Variants in AGBL4 observed in about 807,000 individuals in gnomAD.
AGBL4 encodes the protein AGBL carboxypeptidase 4, also known as cytosolic carboxypeptidase 6.
AGBL4 carries 58 observed loss-of-function variants against 66.4 expected under a neutral mutation model. The observed-to-expected ratio is 0.87, with a 90% CI of 0.71 to 1.09. AGBL4 has a LOEUF of 1.09. Ranked by LOEUF, AGBL4 falls within the 50% of genes least tolerant of loss-of-function variation. The pLI is 0.00. For synonymous variants in AGBL4, 234 were observed against 222.9 expected (o/e 1.05, Z -0.44); for missense variants, 579 against 631.0 (o/e 0.92, Z 0.88).
At chr1:49,786,274 C>G (rs1644453180) in intron 2 of AGBL4, among the ~76,000 whole-genome samples, 1 of 152,090 alleles carries the variant, frequency 6.6e-6, no homozygotes, top group Non-Finnish European at 1.5e-5. Context: ...CATTTTTCTA[C>G]TTAACATTTT....
chr1:49,306,058 C>G (rs906976089), intron 3 of AGBL4, among the ~76,000 whole-genome samples: 5 of 152,084 alleles, frequency 3.3e-5, no homozygotes, highest in Middle Eastern at 3.2e-3. Context: ...CTCCCTTATT[C>G]AAGTCATTAA....
rs115924016 is a variant in AGBL4 at position 49,458,126 on chromosome 1, G to A, written c.283-212262C>T. Among the ~76,000 whole-genome samples, 926 of 151,732 alleles carry A rather than the reference G, an allele frequency of 6.1e-3. 10 individuals are homozygous for A. The highest frequency in any genetic ancestry group is 0.021 in the African/African-American group (862 of 41,462). ...ATTTTGATGGAAATTGCATTGAATT[G>A]TAGATTGCTTTTGGCAGTATGGTCT... On this transcript the variant is annotated intron_variant, in intron 3 of 13. Transcript: ENST00000371839.
At chr1:48,974,682 A>G (rs563011330) in intron 5 of AGBL4, among the ~76,000 whole-genome samples, 1 of 152,260 alleles carries the variant, frequency 6.6e-6, no homozygotes, top group East Asian at 1.9e-4. Flanking sequence ...TAATTGGATG[A>G]ATCTTGGAGA....
intron 2 of AGBL4, among the ~76,000 whole-genome samples, chr1:49,843,200 C>T (rs183875914): frequency 6.6e-4 from 101 of 152,244 alleles, no homozygotes; most frequent in African/African-American, 2.4e-3. Flanking sequence ...GAGCATGGTT[C>T]ACAGCAACCT....
rs1644772568 is a variant in AGBL4, at chr1:49,302,626, T to TTATTTTATTTTATTTTATTTTATTA, written c.283-56763_283-56762insTAATAAAATAAAATAAAATAAAATA. Among the ~76,000 whole-genome samples the TTATTTTATTTTATTTTATTTTATTA allele has an allele frequency of 5.4e-5, 7 of 130,778 alleles. 1 individual carries two copies. The South Asian group carries it at 1.4e-3, about 26-fold the overall frequency. The allele number at this position is 130,778 out of a possible 152,430, so 85.8% of individuals were successfully genotyped here. On this transcript the variant is annotated intron_variant, in intron 3 of 13. Coordinates refer to ENST00000371839, the MANE Select transcript of AGBL4 (RefSeq NM_032785.4). The stretch of plus-strand genomic sequence containing the variant: ...TTTTATTTTTTTATTTTATTTTATT[T>TTATTTTATTTTATTTTATTTTATTA]TATTTTATTTTATTTTATTTTATTT...
At chr1:49,476,707 T>C (rs1349649998) in intron 3 of AGBL4, among the ~76,000 whole-genome samples, 1 of 152,130 alleles carries the variant, frequency 6.6e-6, no homozygotes, top group Non-Finnish European at 1.5e-5. Context: ...GACTGTTTTA[T>C]GTAATATAAG....
At chr1:49,920,321 A>C (rs1652076808) in intron 1 of AGBL4, among the ~76,000 whole-genome samples, 2 of 152,208 alleles carry the variant, frequency 1.3e-5, no homozygotes, top group African/African-American at 2.4e-5. Context: ...AATGGGAGAA[A>C]ATTTTTGCAA....
chr1:49,733,916 A>G (rs574190629), intron 2 of AGBL4, among the ~76,000 whole-genome samples: 19 of 152,318 alleles, frequency 1.2e-4, no homozygotes, highest in African/African-American at 4.3e-4. Context: ...CCTTTAAAAT[A>G]TTGAAAGGAT....
At chr1:48,870,274 G>A (rs1266214888) in intron 5 of AGBL4, among the ~76,000 whole-genome samples, 3 of 152,024 alleles carry the variant, frequency 2.0e-5, no homozygotes, top group African/African-American at 4.8e-5. Context: ...ATCATGTACT[G>A]TCTTCCTTGT....
intron 9 of AGBL4, among the ~76,000 whole-genome samples, chr1:48,591,884 G>T (rs1482678276): frequency 6.6e-6 from 1 of 152,186 alleles, no homozygotes; most frequent in Non-Finnish European, 1.5e-5. Flanking sequence ...TAGGAGGATT[G>T]TCTATAAAGA....
intron 4 of AGBL4, among the ~76,000 whole-genome samples, chr1:49,229,218 A>G (rs913578380): frequency 2.0e-5 from 3 of 152,220 alleles, no homozygotes; most frequent in African/African-American, 4.8e-5. Context: ...CATCCTGTGC[A>G]TACCATGAAT....
intron 1 of AGBL4, among the ~76,000 whole-genome samples, chr1:49,880,370 C>G (rs1427304959): frequency 6.6e-6 from 1 of 151,938 alleles, no homozygotes; most frequent in East Asian, 1.9e-4. Flanking sequence ...TGTTAGTTTT[C>G]CTTCTAACAG....
At chr1:49,970,482 A>C (rs767420566) in intron 1 of AGBL4, among the ~76,000 whole-genome samples, 1 of 152,128 alleles carries the variant, frequency 6.6e-6, no homozygotes, top group Non-Finnish European at 1.5e-5. Flanking sequence ...CCAAATAGGT[A>C]ACAGGTATAA....
At chr1:49,786,332 C>A (rs1386965647) in intron 2 of AGBL4, among the ~76,000 whole-genome samples, 2 of 152,066 alleles carry the variant, frequency 1.3e-5, no homozygotes, top group African/African-American at 2.4e-5. Context: ...AATTATCTCA[C>A]AATTTAGCAC....
intron 3 of AGBL4, among the ~76,000 whole-genome samples, chr1:49,412,605 AAAAC>A (rs1172948887): frequency 1.3e-5 from 2 of 152,122 alleles, no homozygotes; most frequent in Non-Finnish European, 2.9e-5. Context: ...AAAACAAACA[AAAAC>A]AAACAAACAA....
intron 4 of AGBL4, among the ~76,000 whole-genome samples, chr1:49,048,846 A>G (rs1271265046): frequency 6.6e-6 from 1 of 151,782 alleles, no homozygotes; most frequent in Non-Finnish European, 1.5e-5. Flanking sequence ...ATCAGTGAGC[A>G]GCAGATCCTG....
intron 3 of AGBL4, among the ~76,000 whole-genome samples, chr1:49,417,930 C>A (rs1038741731): frequency 1.8e-4 from 27 of 152,102 alleles, no homozygotes; most frequent in African/African-American, 5.8e-4. Flanking sequence ...ATAATATGGT[C>A]CACAGTAGAA....
intron 5 of AGBL4, among the ~76,000 whole-genome samples, chr1:48,903,919 A>G (rs1350439745): frequency 1.3e-5 from 2 of 152,216 alleles, no homozygotes; most frequent in Admixed American, 6.5e-5. Context: ...AGTGACAGGA[A>G]GGTGAAGAAG....
intron 2 of AGBL4, among the ~76,000 whole-genome samples, chr1:49,730,862 C>T (rs1010188161): frequency 1.3e-5 from 2 of 152,276 alleles, no homozygotes; most frequent in Admixed American, 6.5e-5. Context: ...TGTGTCAATA[C>T]GTGATAGCCA....
Sources: gnomAD v4.1 joint callset for allele counts (sites outside exome capture counted in the v4.1 genomes callset) on GRCh38, gnomAD v4.1.1 for gene constraint, MANE v1.5 for transcripts, NCBI Gene and HGNC (gene_info 2026-07-23, HGNC 2026-07-21) for gene names.